Variants in STIM1 observed in about 807,000 individuals in gnomAD.
STIM1 encodes the protein stromal interaction molecule 1.
A neutral mutation model predicts 74.7 loss-of-function variants in STIM1; 25 were observed. The observed-to-expected ratio is 0.33, with a 90% CI of 0.24 to 0.47. STIM1 has a LOEUF of 0.47. STIM1 is among the 20% of genes least tolerant of loss of function. The pLI is 1.00. For missense variants in STIM1, 728 were observed against 920.8 expected (o/e 0.79, Z 2.71); for synonymous variants, 328 against 348.8 (o/e 0.94, Z 0.66).
intron 1 of STIM1, among the ~76,000 whole-genome samples, chr11:3,953,392 A>G (rs988914922): frequency 7.2e-5 from 11 of 152,140 alleles, no homozygotes; most frequent in Non-Finnish European, 5.9e-5. Context: ...TAGACAAAAA[A>G]CCCCTGATGG....
chr11:3,910,438 C>CT (rs1005972057), intron 1 of STIM1, among the ~76,000 whole-genome samples: 1 of 152,106 alleles, frequency 6.6e-6, no homozygotes, highest in African/African-American at 2.4e-5. Context: ...TCATCAAAAA[C>CT]TAAGGTCCAG....
At chr11:4,054,814 GA>G (rs956767138) in intron 3 of STIM1, among the ~76,000 whole-genome samples, 7 of 152,174 alleles carry the variant, frequency 4.6e-5, no homozygotes, top group African/African-American at 1.4e-4. Context: ...CCACACCCAT[GA>G]AATATTTGAG....
At chr11:3,873,984 C>T (rs2135283523) in intron 1 of STIM1, among the ~76,000 whole-genome samples, 1 of 152,318 alleles carries the variant, frequency 6.6e-6, no homozygotes. Flanking sequence ...AATGTGTTGA[C>T]AGTTGGACTC....
At chr11:3,911,559 AT>A (rs904534741) in intron 1 of STIM1, among the ~76,000 whole-genome samples, 4 of 151,780 alleles carry the variant, frequency 2.6e-5, no homozygotes, top group Admixed American at 6.6e-5. Flanking sequence ...TAACTTTAAA[AT>A]TTTTTTTGTA....
chr11:4,051,346 CTTT>C (rs202160322), intron 3 of STIM1, among the ~76,000 whole-genome samples: 5 of 143,470 alleles, frequency 3.5e-5, no homozygotes, highest in East Asian at 2.0e-4. Flanking sequence ...GGTAAATTGT[CTTT>C]TTTTTTTTTT....
chr11:3,881,456 C>T (rs776222364), intron 1 of STIM1, among the ~76,000 whole-genome samples: 16 of 151,744 alleles, frequency 1.1e-4, no homozygotes, highest in Admixed American at 9.8e-4. Flanking sequence ...CTGCCAGCTC[C>T]GCCTCCCGGG....
intron 5 of STIM1, among the ~76,000 whole-genome samples, chr11:4,064,149 C>T (rs2094350238): frequency 6.6e-6 from 1 of 152,158 alleles, no homozygotes; most frequent in Non-Finnish European, 1.5e-5. Context: ...AGCAGCTGTC[C>T]TGATGGCAAA....
intron 3 of STIM1, among the ~76,000 whole-genome samples, chr11:4,047,742 C>G (rs1163339183): frequency 6.6e-6 from 1 of 152,088 alleles, no homozygotes; most frequent in African/African-American, 2.4e-5. Flanking sequence ...ATCTCTTGAG[C>G]CCAGGAGTTC....
chr11:4,060,030 A>G (rs2094319804), intron 5 of STIM1, among the ~76,000 whole-genome samples: 2 of 152,212 alleles, frequency 1.3e-5, no homozygotes, highest in African/African-American at 2.4e-5. Context: ...ATTAATGAAC[A>G]TCTTTGTATT....
At chr11:3,904,196 C>CAAGAAA (rs2092418562) in intron 1 of STIM1, among the ~76,000 whole-genome samples, 1 of 73,876 alleles carries the variant, frequency 1.4e-5, no homozygotes, top group Non-Finnish European at 2.4e-5. Context: ...GACTCTGTCT[C>CAAGAAA]AAAAAAAAAA....
chr11:3,945,412 A>C (rs1173270601), intron 1 of STIM1, among the ~76,000 whole-genome samples: 2 of 151,818 alleles, frequency 1.3e-5, no homozygotes, highest in East Asian at 3.9e-4. Context: ...CACAATCTTT[A>C]CTAAAAATAA....
intron 3 of STIM1, among the ~76,000 whole-genome samples, chr11:4,038,788 A>G (rs1316603630): frequency 6.6e-6 from 1 of 152,140 alleles, no homozygotes; most frequent in African/African-American, 2.4e-5. Context: ...ACTGCTATGT[A>G]TCTTTCACTT....
At chr11:3,880,227 G>A (rs1232624373) in intron 1 of STIM1, among the ~76,000 whole-genome samples, 1 of 152,180 alleles carries the variant, frequency 6.6e-6, no homozygotes, top group Non-Finnish European at 1.5e-5. Context: ...AACAGTATTT[G>A]TTGTTGGTTT....
At chr11:3,989,524 C>A (rs536938115) in intron 2 of STIM1, 31 of 588,422 alleles carry the variant, frequency 5.3e-5, no homozygotes, top group Middle Eastern at 8.0e-4. Flanking sequence ...AGAGCCTTCG[C>A]GAAGCTGGGC....
At position 4,092,768 on chromosome 11, in the gene STIM1, A is replaced by C. The variant is rs1035735138; in HGVS notation, c.*970A>C. ...TGAACCAAAAGACAAACAGGTTAAA[A>C]GGAAAAAAAGTAATCTGAATTTCCC... On this transcript the variant is annotated 3_prime_UTR_variant, in exon 13 of 13. Coordinates refer to ENST00000526596, the MANE Select transcript of STIM1 (RefSeq NM_001382567.1). The C allele has an allele frequency of 8.5e-5, 13 of 152,232 alleles. No homozygotes were observed. The highest frequency in any genetic ancestry group is 3.1e-4 in the African/African-American group (13 of 41,452). 9.4% of individuals were successfully genotyped at this position (152,232 alleles called of 1,614,324 possible). A position where few individuals can be genotyped will look rare whatever the true frequency, so the allele number is the denominator to read the frequency against.
At chr11:3,929,780 C>T (rs189693273) in intron 1 of STIM1, among the ~76,000 whole-genome samples, 18 of 152,258 alleles carry the variant, frequency 1.2e-4, no homozygotes, top group Admixed American at 4.6e-4. Flanking sequence ...GTTCTGCAAT[C>T]GTTGGTCTGA....
intron 1 of STIM1, among the ~76,000 whole-genome samples, chr11:3,876,916 A>G (rs1478273850): frequency 1.3e-5 from 2 of 152,176 alleles, no homozygotes; most frequent in African/African-American, 2.4e-5. Flanking sequence ...TTGTTGAAAG[A>G]AAGTTTACGA....
chr11:4,055,808 G>T (rs1037536712), intron 4 of STIM1, among the ~76,000 whole-genome samples, 171 bp downstream of exon 4: 2 of 152,194 alleles, frequency 1.3e-5, no homozygotes, highest in African/African-American at 4.8e-5. Context: ...AGTATGATGG[G>T]CGCTTTGTAT....
chr11:3,948,035 A>C (rs2093100791), intron 1 of STIM1, among the ~76,000 whole-genome samples: 1 of 152,152 alleles, frequency 6.6e-6, no homozygotes, highest in Non-Finnish European at 1.5e-5. Flanking sequence ...ATTCTAGAGG[A>C]GCTAACAGGC....
Sources: allele counts gnomAD v4.1 joint callset (sites outside exome capture counted in the v4.1 genomes callset), GRCh38; gene constraint gnomAD v4.1.1; transcripts MANE v1.5; gene names NCBI Gene and HGNC (gene_info 2026-07-23, HGNC 2026-07-21).